Variants in SULT6B1 observed in about 807,000 individuals in gnomAD.
SULT6B1 encodes the protein sulfotransferase family 6B member 1, also known as sulfotransferase 6B1.
In SULT6B1, 44 loss-of-function variants were observed where a neutral mutation model predicts 37.2. That is an observed-to-expected ratio of 1.18 (90% CI 0.93 to 1.52). The LOEUF is 1.52. Among genes scored for constraint, SULT6B1 ranks in the 40% most tolerant of loss-of-function variants. SULT6B1 has a pLI of 0.00. For synonymous variants in SULT6B1, 140 were observed against 126.0 expected (o/e 1.11, Z -0.74); for missense variants, 450 against 361.0 (o/e 1.25, Z -2.00).
chr2:37,171,569 GT>G lies in SULT6B1; in HGVS notation c.645del (p.Lys215AsnfsTer11). On this transcript the variant is annotated frameshift_variant, in exon 6 of 7. Coordinates refer to ENST00000535679, the MANE Select transcript of SULT6B1 (RefSeq NM_001367551.1). LOFTEE classifies it high-confidence loss of function. The part of the protein sequence containing the change: ...DLKENLAAGI[K>X]QIAEFLGFFL... ...AAGAATCCCAAGAACTCAGCAATCTGTTTTATTCCAGCAGCCAGATTCTGTA... is the reference window on the plus strand; with the variant it reads ...AAGAATCCCAAGAACTCAGCAATCTGTTTATTCCAGCAGCCAGATTCTGTA... 1 of 1,612,434 alleles carries G rather than the reference GT, an allele frequency of 6.2e-7. No homozygotes were observed. Among genetic ancestry groups the G allele is most frequent in the African/African-American group, 1.3e-5 (1 of 74,960 alleles).
chr2:37,171,183 T>C (rs1217021546), intron 6 of SULT6B1, among the ~76,000 whole-genome samples: 1 of 152,060 alleles, frequency 6.6e-6, no homozygotes, highest in Non-Finnish European at 1.5e-5. Flanking sequence ...GAGGTTGCAG[T>C]GAGCTGAGAT....
intron 2 of SULT6B1, among the ~76,000 whole-genome samples, chr2:37,184,813 C>T (rs1305325196): frequency 6.6e-6 from 1 of 150,696 alleles, no homozygotes; most frequent in African/African-American, 2.4e-5. Context: ...GCCTGAGCGA[C>T]AGAGTGAGAC....
chr2:37,177,284 G>T (rs566728297), intron 4 of SULT6B1, among the ~76,000 whole-genome samples: 1 of 151,722 alleles, frequency 6.6e-6, no homozygotes, highest in Non-Finnish European at 1.5e-5. Flanking sequence ...AATCAGCTGC[G>T]CATGGTGGTA....
chr2:37,190,702 A>C (rs552380457), upstream of SULT6B1, among the ~76,000 whole-genome samples: 42 of 152,290 alleles, frequency 2.8e-4, no homozygotes, highest in Non-Finnish European at 5.3e-4. Context: ...TTTAAAATTG[A>C]CCATAGCGTT....
chr2:37,183,566 G>T, intron 2 of SULT6B1, 52 bp from the exon 3 acceptor site: 3 of 1,381,898 alleles, frequency 2.2e-6, no homozygotes, highest in Non-Finnish European at 3.1e-6. Flanking sequence ...GCATGTGTGT[G>T]TGTGTGTTGA....
chr2:37,174,505 A>G (rs971778509), intron 5 of SULT6B1, among the ~76,000 whole-genome samples: 1 of 151,826 alleles, frequency 6.6e-6, no homozygotes, highest in African/African-American at 2.4e-5. Flanking sequence ...CCTAAACATC[A>G]TATTTTACAC....
At chr2:37,176,895 C>T (rs1484822204) in intron 4 of SULT6B1, among the ~76,000 whole-genome samples, 1 of 152,112 alleles carries the variant, frequency 6.6e-6, no homozygotes, top group Non-Finnish European at 1.5e-5. Context: ...CTAAGGAACA[C>T]ATTCGGCTAC....
chr2:37,177,591 A>T (rs78499860), intron 4 of SULT6B1, among the ~76,000 whole-genome samples: 3,625 of 152,236 alleles, frequency 0.024, 66 homozygotes, highest in Middle Eastern at 0.058. Context: ...ACTTGTTATG[A>T]AGTTATGAAT....
intron 2 of SULT6B1, among the ~76,000 whole-genome samples, chr2:37,184,424 A>G (rs1222590132): frequency 6.6e-6 from 1 of 152,224 alleles, no homozygotes; most frequent in Non-Finnish European, 1.5e-5. Context: ...TGAAGATAAA[A>G]TTATCTATTT....
At chr2:37,190,363 A>G (rs1676757295), upstream of SULT6B1, among the ~76,000 whole-genome samples, 1 of 152,240 alleles carries the variant, frequency 6.6e-6, no homozygotes, top group Admixed American at 6.5e-5. Context: ...CCAGTGAAGA[A>G]GATGACTTCT....
intron 1 of SULT6B1, among the ~76,000 whole-genome samples, chr2:37,195,153 T>G (rs567331420): frequency 6.6e-6 from 1 of 152,250 alleles, no homozygotes; most frequent in African/African-American, 2.4e-5. Context: ...TTTCTCCTTG[T>G]TGGCTAGGCT....
At chr2:37,173,213 G>A (rs544044323) in intron 5 of SULT6B1, among the ~76,000 whole-genome samples, 1 of 152,232 alleles carries the variant, frequency 6.6e-6, no homozygotes, top group Admixed American at 6.5e-5. Context: ...ACCCAATTAA[G>A]TTAAGGAGCA....
chr2:37,186,487 G>A (rs1356358766), intron 2 of SULT6B1, among the ~76,000 whole-genome samples: 3 of 152,108 alleles, frequency 2.0e-5, no homozygotes, highest in African/African-American at 7.2e-5. Context: ...ACAACAGCTA[G>A]GGTGACCTGT....
At chr2:37,187,891 C>T (rs1045665015) in intron 1 of SULT6B1, among the ~76,000 whole-genome samples, 2 of 152,026 alleles carry the variant, frequency 1.3e-5, no homozygotes, top group African/African-American at 4.8e-5. Context: ...ATGAGGTTGG[C>T]TTTAGTAAAC....
upstream of SULT6B1, among the ~76,000 whole-genome samples, chr2:37,193,643 A>AAGAAGAAGG (rs1194098965): frequency 8.3e-4 from 110 of 132,442 alleles, 1 homozygote; most frequent in Middle Eastern, 8.3e-3. Flanking sequence ...GAAGAAGAAG[A>AAGAAGAAGG]AGAAGAAGGA....
upstream of SULT6B1, chr2:37,191,199 G>T (rs1202920987): frequency 7.3e-6 from 1 of 137,360 alleles, no homozygotes; most frequent in Non-Finnish European, 1.5e-5. Context: ...TAGTACCAGT[G>T]AATTCTTTGG....
chr2:37,169,204 A>G (rs1265029467), intron 6 of SULT6B1, among the ~76,000 whole-genome samples: 1 of 152,190 alleles, frequency 6.6e-6, no homozygotes, highest in African/African-American at 2.4e-5. Context: ...GAAAGGTTCT[A>G]TTTCCTACCT....
chr2:37,187,354 C>A lies in SULT6B1; in HGVS notation c.312+1G>T. The stretch of plus-strand genomic sequence containing the variant: ...TAAGGTTAAAGGCTGGTTGTACTAA[C>A]CTGATATTTTTCTGAATCCCCACAT... On this transcript the variant is annotated splice_donor_variant, in intron 2 of 6. Transcript: ENST00000535679. LOFTEE classifies it high-confidence loss of function. 1 of 1,569,186 alleles carries A rather than the reference C, an allele frequency of 6.4e-7. No homozygotes were observed. The highest frequency in any genetic ancestry group is 8.8e-7 in the Non-Finnish European group (1 of 1,141,578).
At chr2:37,191,807 G>C (rs1572469053), upstream of SULT6B1, among the ~76,000 whole-genome samples, 1 of 152,198 alleles carries the variant, frequency 6.6e-6, no homozygotes, top group Non-Finnish European at 1.5e-5. Flanking sequence ...GGGAAGGAGT[G>C]ACAGGGCCAG....
Sources: allele counts gnomAD v4.1 joint callset (sites outside exome capture counted in the v4.1 genomes callset), GRCh38; gene constraint gnomAD v4.1.1; transcripts MANE v1.5; gene names NCBI Gene and HGNC (gene_info 2026-07-23, HGNC 2026-07-21).